The following TMTC1 variants were observed in gnomAD, a reference collection of about 807,000 sequenced individuals.
TMTC1 encodes the protein protein O-mannosyl-transferase TMTC1.
A neutral mutation model predicts 104.8 loss-of-function variants in TMTC1; 73 were observed. The ratio of observed to expected loss-of-function variants is 0.70; its 90% confidence interval spans 0.58 to 0.85. The LOEUF is 0.85. TMTC1 is among the 40% of genes least tolerant of loss of function. The probability of loss-of-function intolerance (pLI) is 0.00; values close to 1 mark genes in which losing one functional copy is unlikely to be tolerated. For missense variants in TMTC1, 1,035 were observed against 1,096.1 expected (o/e 0.94, Z 0.79); for synonymous variants, 434 against 428.7 (o/e 1.01, Z -0.15).
At chr12:29,724,601 C>T (rs2136894287) in intron 5 of TMTC1, among the ~76,000 whole-genome samples, 1 of 152,214 alleles carries the variant, frequency 6.6e-6, no homozygotes, top group South Asian at 2.1e-4. Context: ...AATTTAGACG[C>T]CAGCAATAAC....
intron 5 of TMTC1, among the ~76,000 whole-genome samples, chr12:29,718,287 C>G (rs928096671): frequency 6.6e-6 from 1 of 152,190 alleles, no homozygotes; most frequent in African/African-American, 2.4e-5. Context: ...GGGGAAGGGA[C>G]AGCTGGCACC....
At chr12:29,772,649 C>T (rs774626497) in intron 1 of TMTC1, among the ~76,000 whole-genome samples, 2 of 152,116 alleles carry the variant, frequency 1.3e-5, no homozygotes, top group African/African-American at 4.8e-5. Context: ...GGAGGTAACA[C>T]TGAAGCTAGT....
chr12:29,686,934 A>G (rs141760289), intron 5 of TMTC1, among the ~76,000 whole-genome samples: 2 of 152,314 alleles, frequency 1.3e-5, no homozygotes, highest in African/African-American at 4.8e-5. Context: ...TATGATTGGA[A>G]TCAGAATATG....
chr12:29,609,040 G>A (rs1021524564), intron 6 of TMTC1, among the ~76,000 whole-genome samples: 1 of 152,144 alleles, frequency 6.6e-6, no homozygotes, highest in African/African-American at 2.4e-5. Context: ...ATTCAACACC[G>A]ATGATACACA....
intron 1 of TMTC1, among the ~76,000 whole-genome samples, chr12:29,769,565 G>T (rs182722783): frequency 6.6e-6 from 1 of 152,338 alleles, no homozygotes; most frequent in African/African-American, 2.4e-5. Flanking sequence ...CAGAAAGCTT[G>T]GGATGGGATA....
chr12:29,572,051 TA>T, intron 9 of TMTC1, 53 bp downstream of exon 9: 1 of 1,423,632 alleles, frequency 7.0e-7, no homozygotes, highest in East Asian at 2.3e-5. Flanking sequence ...CCAAGTGAAA[TA>T]AACAACGGTC....
Position 29,604,318 on chromosome 12 carries a change from A to G in TMTC1, c.1129-19T>C, listed in dbSNP as rs772854881. On this transcript the variant is annotated intron_variant, in intron 6 of 17. Coordinates refer to ENST00000539277, the MANE Select transcript of TMTC1 (RefSeq NM_001193451.2). Reference sequence around the variant, plus strand: ...CCAGTCTCTGAAACACACAATAGTGAAGGAAACATTAACTTCTGTTGAATT... The same window carrying G: ...CCAGTCTCTGAAACACACAATAGTGGAGGAAACATTAACTTCTGTTGAATT... 12 of 1,613,398 alleles carry G rather than the reference A, an allele frequency of 7.4e-6. No homozygotes were observed. The East Asian group carries it at 2.7e-4, about 36-fold the overall frequency.
At chr12:29,752,312 A>G (rs529971345) in intron 4 of TMTC1, among the ~76,000 whole-genome samples, 1 of 152,180 alleles carries the variant, frequency 6.6e-6, no homozygotes, top group Admixed American at 6.6e-5. Flanking sequence ...ATTCTCTGAG[A>G]AACCACTCAG....
At chr12:29,602,206 G>A (rs59248893) in intron 7 of TMTC1, among the ~76,000 whole-genome samples, 4,394 of 152,172 alleles carry the variant, frequency 0.029, 229 homozygotes, top group African/African-American at 0.1. Context: ...GCAGGGGCAC[G>A]ATCATGGTTC....
chr12:29,766,531 G>A (rs1943468310), intron 2 of TMTC1, among the ~76,000 whole-genome samples: 1 of 152,180 alleles, frequency 6.6e-6, no homozygotes, highest in East Asian at 1.9e-4. Context: ...ATTGGAGAAT[G>A]CCTTGCTGAC....
At chr12:29,557,923 C>T (rs545956930) in intron 9 of TMTC1, among the ~76,000 whole-genome samples, 2 of 152,202 alleles carry the variant, frequency 1.3e-5, no homozygotes, top group African/African-American at 4.8e-5. Flanking sequence ...TGTCCTAGTA[C>T]AGTCTCAGAC....
chr12:29,538,912 C>T (rs1944718277), intron 10 of TMTC1, among the ~76,000 whole-genome samples: 2 of 152,172 alleles, frequency 1.3e-5, no homozygotes, highest in South Asian at 2.1e-4. Context: ...GGAGGATTCT[C>T]CTTTTGCTTG....
chr12:29,613,832 C>A (rs1488930439), intron 6 of TMTC1: 2 of 518,462 alleles, frequency 3.9e-6, no homozygotes, highest in African/African-American at 4.2e-5. Flanking sequence ...CAAAGTCTTC[C>A]AAAGCAGGAT....
intron 5 of TMTC1, among the ~76,000 whole-genome samples, chr12:29,745,004 C>T (rs757844396): frequency 3.3e-5 from 5 of 152,044 alleles, no homozygotes; most frequent in Non-Finnish European, 5.9e-5. Context: ...TGGCTCACTA[C>T]AGCCACAAAC....
chr12:29,759,837 CTT>C (rs1355638506), intron 2 of TMTC1, among the ~76,000 whole-genome samples: 1 of 151,990 alleles, frequency 6.6e-6, no homozygotes, highest in African/African-American at 2.4e-5. Flanking sequence ...ACCGAACAAA[CTT>C]AAGGCAATTT....
At chr12:29,770,826 G>A (rs1052024166) in intron 1 of TMTC1, among the ~76,000 whole-genome samples, 7 of 152,084 alleles carry the variant, frequency 4.6e-5, no homozygotes, top group Admixed American at 2.6e-4. Context: ...CGTATTCTAC[G>A]TGTGATCACA....
chr12:29,518,392 C>G, intron 13 of TMTC1, 80 bp downstream of exon 13: 1 of 1,536,336 alleles, frequency 6.5e-7, no homozygotes, highest in Non-Finnish European at 8.8e-7. Context: ...GAGAGCACAC[C>G]TATTCTGATT....
At chr12:29,746,379 T>C (rs1313788139) in intron 5 of TMTC1, among the ~76,000 whole-genome samples, 2 of 152,218 alleles carry the variant, frequency 1.3e-5, no homozygotes, top group Admixed American at 1.3e-4. Context: ...GCTTTCAACA[T>C]AGATTTGTTC....
At chr12:29,764,720 C>A (rs1943425135) in intron 2 of TMTC1, among the ~76,000 whole-genome samples, 1 of 152,130 alleles carries the variant, frequency 6.6e-6, no homozygotes. Context: ...TGTAAGCATC[C>A]TCCCTAACAT....
Sources: allele counts gnomAD v4.1 joint callset (sites outside exome capture counted in the v4.1 genomes callset), GRCh38; gene constraint gnomAD v4.1.1; transcripts MANE v1.5; gene names NCBI Gene and HGNC (gene_info 2026-07-23, HGNC 2026-07-21).